The following GLRA2 variants were observed in gnomAD, a reference collection of about 807,000 sequenced individuals.
The protein encoded by GLRA2 is glycine receptor alpha 2.
A neutral mutation model predicts 31.6 loss-of-function variants in GLRA2; 11 were observed. The ratio of observed to expected loss-of-function variants is 0.35; its 90% CI spans 0.22 to 0.58. The LOEUF (loss-of-function observed/expected upper bound fraction) is 0.58. Among genes scored for constraint, GLRA2 ranks in the 20% least tolerant of loss-of-function variants. GLRA2 has a pLI of 0.84. For synonymous variants in GLRA2, 132 were observed against 134.0 expected (o/e 0.99, Z 0.10); for missense variants, 212 against 351.8 (o/e 0.60, Z 3.18).
Position 14,591,596 on chromosome X carries a change from T to C in GLRA2, c.494+10190T>C, listed in dbSNP as rs183838229. On this transcript the variant is annotated intron_variant, in intron 4 of 8. Transcript: ENST00000218075. ...TGATTAGATGATGTGCCTAGCCAGA[T>C]TGAGGGTGGGTCTGCCTCTCCCAGT... Among the ~76,000 whole-genome samples, 251 of 112,163 alleles carry C rather than the reference T, an allele frequency of 2.2e-3. 3 individuals are homozygous for C. The highest frequency in any genetic ancestry group is 7.3e-3 in the African/African-American group (227 of 30,904).
In GLRA2 at chrX:14,652,118, T is replaced by C. The variant is rs755914083; in HGVS notation, c.931-38592T>C. 3.6e-5 allele frequency among the ~76,000 whole-genome samples: 4 copies of C among 111,857 alleles called. No homozygotes were observed. The South Asian group carries it at 1.1e-3, about 32-fold the overall frequency. ...ATCCCAGACTTTCAGCTTCCCGAAC[T>C]GTAAAAGAATGATTTTCTGTTGTTT... On this transcript the variant is annotated intron_variant, in intron 7 of 8. Transcript: ENST00000218075.
the GLRA2 span, among the ~76,000 whole-genome samples, chrX:14,487,603 A>C: frequency 9.0e-6 from 1 of 111,222 alleles, no homozygotes; most frequent in Admixed American, 9.6e-5. Flanking sequence ...AAAGTCAGAG[A>C]TTATTTCCAT....
chrX:14,602,432 T>G (rs2147089697), intron 4 of GLRA2, among the ~76,000 whole-genome samples: 1 of 110,989 alleles, frequency 9.0e-6, no homozygotes, highest in Non-Finnish European at 1.9e-5. Context: ...TTTTTTCAAT[T>G]TTTTTATTTC....
chrX:14,455,284 T>A, the GLRA2 span, among the ~76,000 whole-genome samples: 26 of 111,975 alleles, frequency 2.3e-4, no homozygotes, highest in East Asian at 7.3e-3. Context: ...TATTTGACAC[T>A]TAGAAGATAA....
intron 7 of GLRA2, among the ~76,000 whole-genome samples, chrX:14,657,963 C>T (rs1193875718): frequency 4.5e-5 from 5 of 111,363 alleles, no homozygotes; most frequent in African/African-American, 9.8e-5. Flanking sequence ...TTATCAAATT[C>T]GATCCCCCTT....
At chrX:14,460,781 A>G in the GLRA2 span, among the ~76,000 whole-genome samples, 3 of 110,484 alleles carry the variant, frequency 2.7e-5, no homozygotes, top group Admixed American at 1.9e-4. Flanking sequence ...TGGTCTATCA[A>G]TTTTGTTGAT....
the GLRA2 span, among the ~76,000 whole-genome samples, chrX:14,455,009 T>C: frequency 8.9e-6 from 1 of 112,149 alleles, no homozygotes; most frequent in Non-Finnish European, 1.9e-5. Context: ...TTTGTTCTTC[T>C]GTTAATTTGC....
intron 3 of GLRA2, among the ~76,000 whole-genome samples, chrX:14,578,480 A>G (rs113522750): frequency 1.8e-5 from 2 of 112,330 alleles, no homozygotes; most frequent in African/African-American, 6.5e-5. Flanking sequence ...GTTCATTAAG[A>G]CACACAGAAA....
chrX:14,726,825 T>C (rs1011439998), intron 8 of GLRA2, among the ~76,000 whole-genome samples: 2 of 112,506 alleles, frequency 1.8e-5, no homozygotes, highest in Admixed American at 9.4e-5. Context: ...GTGCTAAAAA[T>C]AGTTTACTAC....
intron 2 of GLRA2, among the ~76,000 whole-genome samples, chrX:14,550,388 T>A (rs2089544201): frequency 9.1e-6 from 1 of 109,992 alleles, no homozygotes; most frequent in Non-Finnish European, 1.9e-5. Flanking sequence ...GAGGAATCAA[T>A]CTCATAAGGA....
the GLRA2 span, among the ~76,000 whole-genome samples, chrX:14,494,795 C>G: frequency 8.9e-6 from 1 of 111,746 alleles, no homozygotes; most frequent in Non-Finnish European, 1.9e-5. Flanking sequence ...GTAGAAGCAC[C>G]TAAATGGGTT....
At chrX:14,504,002 C>T in the GLRA2 span, among the ~76,000 whole-genome samples, 2 of 111,608 alleles carry the variant, frequency 1.8e-5, no homozygotes, top group Non-Finnish European at 3.8e-5. Context: ...CTGTAAGCTA[C>T]AATCCTAAAT....
intron 2 of GLRA2, among the ~76,000 whole-genome samples, chrX:14,557,390 C>T (rs2089664923): frequency 9.0e-6 from 1 of 111,269 alleles, no homozygotes; most frequent in African/African-American, 3.3e-5. Context: ...GCTGGGATTA[C>T]AGGCATAAGC....
the GLRA2 span, among the ~76,000 whole-genome samples, chrX:14,480,663 G>A: frequency 1.8e-5 from 2 of 111,211 alleles, no homozygotes; most frequent in Non-Finnish European, 3.8e-5. Flanking sequence ...AAGATCAGAT[G>A]GCTGTAGGTG....
chrX:14,702,848 C>A (rs1045582696), intron 8 of GLRA2, among the ~76,000 whole-genome samples: 1 of 111,346 alleles, frequency 9.0e-6, no homozygotes, highest in Non-Finnish European at 1.9e-5. Flanking sequence ...GGTGGCTCCT[C>A]ACAGCATGAA....
At chrX:14,539,238 C>G (rs892855817) in intron 2 of GLRA2, among the ~76,000 whole-genome samples, 6 of 110,866 alleles carry the variant, frequency 5.4e-5, no homozygotes, top group Non-Finnish European at 1.1e-4. Flanking sequence ...TGGTGTGTTG[C>G]TCAGACACTG....
At chrX:14,555,232 G>A (rs1481392916) in intron 2 of GLRA2, among the ~76,000 whole-genome samples, 1 of 111,803 alleles carries the variant, frequency 8.9e-6, no homozygotes, top group Non-Finnish European at 1.9e-5. Context: ...TCCTTGATAG[G>A]GGAAGGAAAG....
chrX:14,690,678 T>C (rs778372083), intron 7 of GLRA2, 32 bp from the exon 8 acceptor site: 22 of 817,188 alleles, frequency 2.7e-5, no homozygotes, highest in Non-Finnish European at 3.9e-5. Flanking sequence ...TCTCTCTCTC[T>C]GTGTGTGTGT....
chrX:14,518,542 G>T, the GLRA2 span, among the ~76,000 whole-genome samples: 1 of 111,765 alleles, frequency 8.9e-6, no homozygotes, highest in Non-Finnish European at 1.9e-5. Flanking sequence ...AGCATGAAAA[G>T]GAATGAATCC....
Sources: gnomAD v4.1 joint callset for allele counts (sites outside exome capture counted in the v4.1 genomes callset) on GRCh38, gnomAD v4.1.1 for gene constraint, MANE v1.5 for transcripts, NCBI Gene and HGNC (gene_info 2026-07-23, HGNC 2026-07-21) for gene names.